LOC400499: variants seen among roughly 807,000 people sequenced by gnomAD.
chr16:11,467,519 G>C, the LOC400499 span, among the ~76,000 whole-genome samples: 12 of 152,028 alleles, frequency 7.9e-5, no homozygotes, highest in Admixed American at 5.9e-4. Context: ...GGCTGAGGTG[G>C]GAGGATCGCT....
chr16:11,397,789 G>A, the LOC400499 span, among the ~76,000 whole-genome samples: 2 of 134,118 alleles, frequency 1.5e-5, no homozygotes, highest in African/African-American at 2.8e-5. Context: ...GAGGGAGGGA[G>A]GGAGGGAGGG....
chr16:11,488,093 G>A, the LOC400499 span, among the ~76,000 whole-genome samples: 1 of 149,722 alleles, frequency 6.7e-6, no homozygotes. Flanking sequence ...CTCCAGCCTG[G>A]GCAATAGGGC....
the LOC400499 span, among the ~76,000 whole-genome samples, chr16:11,423,945 C>T: frequency 3.8e-3 from 582 of 152,332 alleles, 2 homozygotes; most frequent in African/African-American, 0.013. Flanking sequence ...CGGCCACCCT[C>T]TGCCTTCCTC....
chr16:11,446,564 A>T, the LOC400499 span: 2 of 1,536,112 alleles, frequency 1.3e-6, no homozygotes, highest in Non-Finnish European at 1.7e-6. Flanking sequence ...TGCTGATTCC[A>T]AGTAACCAGG....
the LOC400499 span, among the ~76,000 whole-genome samples, chr16:11,397,592 A>AT: frequency 1.3e-5 from 2 of 152,160 alleles, no homozygotes; most frequent in African/African-American, 4.8e-5. Flanking sequence ...TTTTACTGGA[A>AT]TACAGCCGTA....
the LOC400499 span, chr16:11,404,705 C>G: frequency 2.5e-6 from 1 of 399,044 alleles, no homozygotes; most frequent in East Asian, 3.6e-5. Context: ...CACACTCACC[C>G]TGCAGGCTGA....
At chr16:11,432,668 A>C in the LOC400499 span, among the ~76,000 whole-genome samples, 80,185 of 152,060 alleles carry the variant, frequency 0.53, 23,182 homozygotes, top group African/African-American at 0.75. Context: ...CACAGTTCCT[A>C]TCATCACACA....
At chr16:11,396,990 C>T in the LOC400499 span, among the ~76,000 whole-genome samples, 2 of 152,182 alleles carry the variant, frequency 1.3e-5, no homozygotes, top group African/African-American at 4.8e-5. Flanking sequence ...ACCAGTGAGG[C>T]CCCTTTTTGC....
the LOC400499 span, among the ~76,000 whole-genome samples, chr16:11,451,461 C>G: frequency 6.6e-6 from 1 of 151,960 alleles, no homozygotes; most frequent in Non-Finnish European, 1.5e-5. Flanking sequence ...TCACCTATAT[C>G]CCAGCTACTT....
the LOC400499 span, chr16:11,417,674 A>C: frequency 2.5e-6 from 1 of 399,184 alleles, no homozygotes; most frequent in East Asian, 3.6e-5. Context: ...TCGCCTGGGA[A>C]CCCTGCCCAC....
At chr16:11,444,333 G>A in the LOC400499 span, among the ~76,000 whole-genome samples, 5 of 152,156 alleles carry the variant, frequency 3.3e-5, no homozygotes, top group African/African-American at 1.2e-4. Flanking sequence ...GGGAGGTCAA[G>A]GCTGCAGTGA....
chr16:11,444,373 G>C, the LOC400499 span, among the ~76,000 whole-genome samples: 1 of 152,172 alleles, frequency 6.6e-6, no homozygotes, highest in African/African-American at 2.4e-5. Flanking sequence ...CTGCCCTCCA[G>C]CCTGGGTGAC....
At chr16:11,425,072 C>G in the LOC400499 span, 6 of 398,690 alleles carry the variant, frequency 1.5e-5, no homozygotes, top group Non-Finnish European at 2.2e-5. Context: ...TCCCTTGGCT[C>G]CAGGACTTAG....
At chr16:11,479,551 A>C in the LOC400499 span, among the ~76,000 whole-genome samples, 1 of 152,082 alleles carries the variant, frequency 6.6e-6, no homozygotes, top group East Asian at 1.9e-4. Flanking sequence ...TGAGCCCAGG[A>C]GTTCAAGGCT....
chr16:11,509,614 C>T, the LOC400499 span, among the ~76,000 whole-genome samples: 2 of 150,998 alleles, frequency 1.3e-5, no homozygotes, highest in African/African-American at 2.4e-5. Context: ...GTGGATCACC[C>T]GAGGTCAGGA....
At chr16:11,440,134 C>T in the LOC400499 span, among the ~76,000 whole-genome samples, 1 of 152,018 alleles carries the variant, frequency 6.6e-6, no homozygotes, top group African/African-American at 2.4e-5. Context: ...GACAGTGTCA[C>T]CCAGCAGAGA....
At chr16:11,379,804 T>TTTGTGTACGTTCTGTAGATATGTTG in the LOC400499 span, among the ~76,000 whole-genome samples, 4 of 152,252 alleles carry the variant, frequency 2.6e-5, no homozygotes, top group Admixed American at 1.3e-4. Context: ...CTCATTTGCT[T>TTTGTGTACGTTCTGTAGATATGTTG]TTGTGTACGT....
the LOC400499 span, among the ~76,000 whole-genome samples, chr16:11,508,206 A>G: frequency 6.6e-6 from 1 of 152,158 alleles, no homozygotes; most frequent in African/African-American, 2.4e-5. Flanking sequence ...TCAGAACAAG[A>G]CAGATGGTGA....
the LOC400499 span, among the ~76,000 whole-genome samples, chr16:11,405,865 G>C: frequency 3.3e-5 from 5 of 152,114 alleles, no homozygotes; most frequent in Non-Finnish European, 5.9e-5. Flanking sequence ...CCTCCCTGTG[G>C]CCTGACTGAC....
Sources: allele counts gnomAD v4.1 joint callset (sites outside exome capture counted in the v4.1 genomes callset), GRCh38; gene constraint gnomAD v4.1.1; transcripts MANE v1.5.